EPB41L2: variants seen among roughly 807,000 people sequenced by gnomAD.
EPB41L2 encodes band 4.1-like protein 2.
In EPB41L2, 43 loss-of-function variants were observed where a neutral mutation model predicts 113.0. The observed-to-expected ratio is 0.38, with a 90% CI of 0.30 to 0.49. EPB41L2 has a LOEUF of 0.49. EPB41L2 is among the 20% of genes least tolerant of loss of function. The pLI is 0.95. For missense variants in EPB41L2, 1,147 were observed against 1,223.4 expected (o/e 0.94, Z 0.93); for synonymous variants, 442 against 436.7 (o/e 1.01, Z -0.15).
In EPB41L2 at chr6:130,938,841, C is replaced by T. The variant is rs183024329; in HGVS notation, c.706-12132G>A. Among the ~76,000 whole-genome samples the T allele has an allele frequency of 3.3e-5, 5 of 152,300 alleles. No homozygotes were observed. In the East Asian group the frequency reaches 7.7e-4, roughly 23 times the overall value. On this transcript the variant is annotated intron_variant, in intron 3 of 19. Transcript: ENST00000337057. ...ACACTAAAGTCATTCACTCAAACTG[C>T]TGATCCTCTGTTACTTAGCTGCTTA...
At chr6:130,853,905 C>T (rs1779488483) in intron 19 of EPB41L2, among the ~76,000 whole-genome samples, 1 of 152,174 alleles carries the variant, frequency 6.6e-6, no homozygotes, top group East Asian at 1.9e-4. Flanking sequence ...GGCAGGGCAG[C>T]CAGACAGTAG....
chr6:131,034,429 G>GA (rs1387292491), intron 1 of EPB41L2, among the ~76,000 whole-genome samples: 7 of 152,168 alleles, frequency 4.6e-5, no homozygotes, highest in African/African-American at 1.7e-4. Context: ...GCAGCATGGT[G>GA]AAACCTCGTA....
chr6:130,842,319 T>C (rs1298399549), intron 19 of EPB41L2, among the ~76,000 whole-genome samples: 3 of 151,882 alleles, frequency 2.0e-5, no homozygotes, highest in Non-Finnish European at 2.9e-5. Flanking sequence ...ATGGAGAAAA[T>C]AGAAAGTCTT....
At chr6:130,978,432 T>TA (rs1778646092) in intron 1 of EPB41L2, among the ~76,000 whole-genome samples, 1 of 152,204 alleles carries the variant, frequency 6.6e-6, no homozygotes, top group Non-Finnish European at 1.5e-5. Context: ...TTCATAACTT[T>TA]ATTAGCTCTC....
At chr6:131,059,282 T>G (rs933226672) in intron 1 of EPB41L2, among the ~76,000 whole-genome samples, 11 of 152,004 alleles carry the variant, frequency 7.2e-5, no homozygotes, top group African/African-American at 2.7e-4. Flanking sequence ...GCCTGGCTAA[T>G]TTTCTGTATT....
rs113100092 is a variant in EPB41L2, at chr6:130,841,221, CA to C, written c.*6-624del. Among the ~76,000 whole-genome samples the C allele has an allele frequency of 4.3e-3, 595 of 139,012 alleles. 3 individuals carry two copies. The highest frequency in any genetic ancestry group is 5.6e-3 in the Non-Finnish European group (358 of 64,202). The allele number at this position is 139,012 out of a possible 152,430, so 91.2% of individuals were successfully genotyped here. ...GAAGTACCAGCTTGATCTAATTGAC[CA>C]AAAAAAAAAAAAAATGAATTAAGAA... On this transcript the variant is annotated intron_variant, in intron 19 of 19. Transcript: ENST00000337057.
chr6:130,966,861 T>G (rs11154611), intron 1 of EPB41L2, among the ~76,000 whole-genome samples: 1 of 152,012 alleles, frequency 6.6e-6, no homozygotes, highest in Non-Finnish European at 1.5e-5. Context: ...AGCTCAGCAG[T>G]AGCATTAAGA....
intron 16 of EPB41L2, among the ~76,000 whole-genome samples, chr6:130,866,611 T>C (rs371206046): frequency 3.9e-5 from 6 of 152,242 alleles, no homozygotes; most frequent in African/African-American, 1.2e-4. Flanking sequence ...TTTTCAGATG[T>C]GTTTCACACA....
rs117634354 is a variant in EPB41L2, at chr6:130,916,636, A to G, written c.811-7773T>C. Among the ~76,000 whole-genome samples, 571 of 152,228 alleles carry G rather than the reference A, an allele frequency of 3.8e-3. 2 individuals are homozygous for G. Among genetic ancestry groups the G allele is most frequent in the Non-Finnish European group, 5.0e-3 (340 of 68,036 alleles). On this transcript the variant is annotated intron_variant, in intron 4 of 19. Transcript: ENST00000337057. Reference sequence around the variant, plus strand: ...CTCCCCTCCTCCCGTGGCTTTCATGACATTTCAAACTCCTGTAATGCTCTC... The same window carrying G: ...CTCCCCTCCTCCCGTGGCTTTCATGGCATTTCAAACTCCTGTAATGCTCTC...
chr6:130,878,545 A>G, intron 13 of EPB41L2: 1 of 271,600 alleles, frequency 3.7e-6, no homozygotes, highest in Non-Finnish European at 6.9e-6. Context: ...ACATTATCAG[A>G]AAGATGACAT....
At chr6:131,018,793 C>T (rs1313292059) in intron 1 of EPB41L2, among the ~76,000 whole-genome samples, 1 of 152,034 alleles carries the variant, frequency 6.6e-6, no homozygotes, top group African/African-American at 2.4e-5. Flanking sequence ...TAATAGTTTA[C>T]CTTTCCCTAC....
chr6:130,949,543 C>A (rs1365289908), intron 3 of EPB41L2, among the ~76,000 whole-genome samples: 2 of 148,684 alleles, frequency 1.3e-5, no homozygotes, highest in African/African-American at 5.0e-5. Flanking sequence ...CCAGTCTGGG[C>A]AACAGAGAGA....
At chr6:130,888,470 T>C (rs553858223) in intron 11 of EPB41L2, among the ~76,000 whole-genome samples, 112 of 152,190 alleles carry the variant, frequency 7.4e-4, no homozygotes, top group Non-Finnish European at 1.4e-3. Flanking sequence ...AGATGGTGGA[T>C]TTCCTTGAGC....
intron 12 of EPB41L2, chr6:130,880,516 GA>G: frequency 3.2e-6 from 2 of 629,422 alleles, no homozygotes; most frequent in Admixed American, 2.8e-5. Flanking sequence ...CAAACGGCCA[GA>G]AAGAAGGGGA....
chr6:131,042,534 A>T (rs1033870988), intron 1 of EPB41L2, among the ~76,000 whole-genome samples: 2 of 152,330 alleles, frequency 1.3e-5, no homozygotes, highest in African/African-American at 4.8e-5. Context: ...AGTAGTAAAA[A>T]CAAATGATTA....
chr6:130,932,175 T>A (rs1227383357), intron 3 of EPB41L2, among the ~76,000 whole-genome samples: 1 of 152,048 alleles, frequency 6.6e-6, no homozygotes, highest in Admixed American at 6.6e-5. Flanking sequence ...ATAAGAAAAA[T>A]AAGGTTATAG....
At chr6:130,981,843 ATG>A (rs1225124647) in intron 1 of EPB41L2, among the ~76,000 whole-genome samples, 2 of 152,310 alleles carry the variant, frequency 1.3e-5, no homozygotes, top group African/African-American at 4.8e-5. Context: ...AAAAAAGTAT[ATG>A]TGGTTTTCAT....
intron 1 of EPB41L2, among the ~76,000 whole-genome samples, chr6:130,977,837 A>G (rs769619304): frequency 6.6e-6 from 1 of 152,232 alleles, no homozygotes; most frequent in Non-Finnish European, 1.5e-5. Context: ...AAAAAGAATC[A>G]TAATAGCTAC....
At chr6:131,006,923 C>T (rs568484053) in intron 1 of EPB41L2, among the ~76,000 whole-genome samples, 1 of 152,204 alleles carries the variant, frequency 6.6e-6, no homozygotes, top group East Asian at 1.9e-4. Context: ...TCTTCACTCC[C>T]TTCCTTAAGC....
Sources: allele counts gnomAD v4.1 joint callset (sites outside exome capture counted in the v4.1 genomes callset), GRCh38; gene constraint gnomAD v4.1.1; transcripts MANE v1.5; gene names NCBI Gene and HGNC (gene_info 2026-07-23, HGNC 2026-07-21).